Variants in ACOX3 observed in about 807,000 individuals in gnomAD.
ACOX3 encodes the protein peroxisomal acyl-coenzyme A oxidase 3.
A neutral mutation model predicts 81.5 loss-of-function variants in ACOX3; 73 were observed. The ratio of observed to expected loss-of-function variants is 0.90; its 90% CI spans 0.74 to 1.09. The LOEUF is 1.09. Ranked by LOEUF, ACOX3 falls within the 50% of genes least tolerant of loss-of-function variation. The pLI, the probability that ACOX3 is intolerant of heterozygous loss-of-function variation, is 0.00. For missense variants in ACOX3, 947 were observed against 928.0 expected, an observed-to-expected ratio of 1.02 and a Z score of -0.27; for synonymous variants, 387 against 375.1, an observed-to-expected ratio of 1.03 and a Z score of -0.37.
At chr4:8,371,429 C>T (rs186910219) in intron 16 of ACOX3, among the ~76,000 whole-genome samples, 13 of 152,316 alleles carry the variant, frequency 8.5e-5, no homozygotes, top group African/African-American at 2.6e-4. Context: ...GAAGCCTCCT[C>T]GGTTGGCGGT....
At position 8,394,398 on chromosome 4, in the gene ACOX3, A is replaced by G. The variant is rs1719428478; in HGVS notation, c.1179+222T>C. On this transcript the variant is annotated intron_variant, in intron 10 of 17. Transcript: ENST00000356406. The surrounding 1 kb of genome is among the most constrained non-coding windows in gnomAD (Gnocchi z 5.9). ...GCTGAACTCACAGACTGGAACCGGG[A>G]GTCGTGTCAGCACATCCTTGAGAGG... Among the ~76,000 whole-genome samples the G allele has an allele frequency of 6.6e-6, 1 of 152,208 alleles. No individual in the cohort carries two copies. Among genetic ancestry groups the G allele is most frequent in the Admixed American group, 6.5e-5 (1 of 15,284 alleles).
rs549798767 is a variant in ACOX3, at chr4:8,405,358, G to A, written c.776+597C>T. On this transcript the variant is annotated intron_variant, in intron 7 of 17. Coordinates refer to ENST00000356406, the MANE Select transcript of ACOX3 (RefSeq NM_003501.3). The surrounding 1 kb of genome is among the most constrained non-coding windows in gnomAD (Gnocchi z 7.1). ...CCATGTGGCCATCAAGCATTCATTAGTCTTTCTAGGCCCCTCCCCTCTGCA... is the reference window on the plus strand; with the variant it reads ...CCATGTGGCCATCAAGCATTCATTAATCTTTCTAGGCCCCTCCCCTCTGCA... 1.9e-4 allele frequency among the ~76,000 whole-genome samples: 29 copies of A among 152,216 alleles called. No homozygotes were observed. Among genetic ancestry groups the A allele is most frequent in the Non-Finnish European group, 1.3e-4 (9 of 68,042 alleles).
chr4:8,415,456 T>TAA (rs1399823554), intron 3 of ACOX3, among the ~76,000 whole-genome samples: 15 of 135,142 alleles, frequency 1.1e-4, no homozygotes, highest in African/African-American at 3.5e-4. Context: ...TTGTATGAGG[T>TAA]AAAAAAAAAA....
chr4:8,391,581 T>A (rs1719002628), intron 11 of ACOX3, among the ~76,000 whole-genome samples: 1 of 152,212 alleles, frequency 6.6e-6, no homozygotes, highest in African/African-American at 2.4e-5. Context: ...ATTCTAATAA[T>A]AACAGCATTA....
Position 8,386,854 on chromosome 4 carries a change from G to A in ACOX3, c.1537+2319C>T, listed in dbSNP as rs191710637. Among the ~76,000 whole-genome samples, 1 of 152,236 alleles carries A rather than the reference G, an allele frequency of 6.6e-6. No individual in the cohort carries two copies. On this transcript the variant is annotated intron_variant, in intron 13 of 17. Coordinates refer to ENST00000356406, the MANE Select transcript of ACOX3 (RefSeq NM_003501.3). This position sits in a 1 kb window ranked among gnomAD's most constrained non-coding sequence, Gnocchi z 5.2. ...GTCCTGTTCTTTGCCGTGTGAACAAGGAAGTAGCCTGTAGGGCTGGAGACG... is the reference window on the plus strand; with the variant it reads ...GTCCTGTTCTTTGCCGTGTGAACAAAGAAGTAGCCTGTAGGGCTGGAGACG...
chr4:8,434,124 A>T (rs1184978671), intron 1 of ACOX3, among the ~76,000 whole-genome samples: 1 of 152,240 alleles, frequency 6.6e-6, no homozygotes, highest in Non-Finnish European at 1.5e-5. Flanking sequence ...CAGACATTGT[A>T]TGAAAAAGCA....
chr4:8,361,149 C>T, the ACOX3 span, among the ~76,000 whole-genome samples: 30 of 152,078 alleles, frequency 2.0e-4, no homozygotes, highest in South Asian at 6.2e-4. Context: ...TTAGGCCGGG[C>T]GCGGTGGCTC....
intron 16 of ACOX3, 56 bp from the exon 17 acceptor site, chr4:8,371,050 C>A: frequency 2.0e-6 from 3 of 1,527,022 alleles, no homozygotes; most frequent in Non-Finnish European, 2.7e-6. Context: ...CCATGGTGAC[C>A]AAAGCATAAC....
At chr4:8,380,651 G>A (rs1717521919) in intron 14 of ACOX3, among the ~76,000 whole-genome samples, 1 of 152,212 alleles carries the variant, frequency 6.6e-6, no homozygotes, top group African/African-American at 2.4e-5. Context: ...GAGACAGGCA[G>A]ATGTGGACCT....
intron 3 of ACOX3, among the ~76,000 whole-genome samples, 178 bp downstream of exon 3, chr4:8,415,588 T>C (rs959725535): frequency 6.6e-6 from 1 of 151,616 alleles, no homozygotes; most frequent in East Asian, 1.9e-4. Flanking sequence ...AATAAAAAAA[T>C]GAAAAGGGGG....
In ACOX3 at chr4:8,416,262, C is replaced by G. The variant is rs1463668163; in HGVS notation, c.144+116G>C. 141 of 1,570,326 alleles carry G rather than the reference C, an allele frequency of 9.0e-5. No individual in the cohort carries two copies. The highest frequency in any genetic ancestry group is 1.2e-4 in the Non-Finnish European group (140 of 1,145,934). On this transcript the variant is annotated intron_variant, in intron 2 of 17. Transcript: ENST00000356406. The surrounding 1 kb of genome is among the most constrained non-coding windows in gnomAD (Gnocchi z 4.2). The stretch of plus-strand genomic sequence containing the variant: ...GCAGAGAGGAGAGAGGCCGCGCTGC[C>G]TGGGATGAGCCTCGCCCGGCAGAGG...
chr4:8,431,858 T>C lies in ACOX3; in HGVS notation c.-15+8790A>G, dbSNP rs1220397138. On this transcript the variant is annotated intron_variant, in intron 1 of 17. Coordinates refer to ENST00000356406, the MANE Select transcript of ACOX3 (RefSeq NM_003501.3). This position sits in a 1 kb window ranked among gnomAD's most constrained non-coding sequence, Gnocchi z 5.3. ...TGGTGCTATTGACTGTCATTGGCCA[T>C]TGTTGTTATGTGCACACATTGTTAA... is the stretch of plus-strand genomic sequence containing the variant. Among the ~76,000 whole-genome samples the C allele has an allele frequency of 6.6e-6, 1 of 152,232 alleles. No individual in the cohort carries two copies. The highest frequency in any genetic ancestry group is 1.5e-5 in the Non-Finnish European group (1 of 68,042).
chr4:8,370,165 C>G lies in ACOX3; in HGVS notation c.1983+743G>C, dbSNP rs917945930. ...AGAATGGAAGGCACTCCAGGCAGCC[C>G]GAGCAGCAGGCACAAGGCCCTGGGG... is the stretch of plus-strand genomic sequence containing the variant. On this transcript the variant is annotated intron_variant, in intron 17 of 17. Transcript: ENST00000356406. The surrounding 1 kb of genome is among the most constrained non-coding windows in gnomAD (Gnocchi z 6.3). 1.3e-5 allele frequency among the ~76,000 whole-genome samples: 2 copies of G among 152,198 alleles called. No individual in the cohort carries two copies. The highest frequency in any genetic ancestry group is 2.9e-5 in the Non-Finnish European group (2 of 68,036).
intron 14 of ACOX3, 58 bp from the exon 15 acceptor site, chr4:8,375,210 C>CGGG: frequency 6.8e-7 from 1 of 1,461,288 alleles, no homozygotes; most frequent in African/African-American, 1.4e-5. Context: ...CCCAGATTCC[C>CGGG]GGGGGAGGAA....
At position 8,372,615 on chromosome 4, in the gene ACOX3, T is replaced by C. The variant is rs564772073; in HGVS notation, c.1896+946A>G. On this transcript the variant is annotated intron_variant, in intron 16 of 17. Transcript: ENST00000356406. ...ATGTGGCCACATACGTGCGCCACAATCAGACACGCCCCTCTCTGGAACCGC... is the reference window on the plus strand; with the variant it reads ...ATGTGGCCACATACGTGCGCCACAACCAGACACGCCCCTCTCTGGAACCGC... 5.3e-5 allele frequency among the ~76,000 whole-genome samples: 8 copies of C among 152,232 alleles called. No individual in the cohort carries two copies. The East Asian group carries it at 1.5e-3, about 29-fold the overall frequency.
At position 8,407,478 on chromosome 4, in the gene ACOX3, C is replaced by T. The variant is rs1560192507; in HGVS notation, c.688-1435G>A. On this transcript the variant is annotated intron_variant, in intron 6 of 17. Coordinates refer to ENST00000356406, the MANE Select transcript of ACOX3 (RefSeq NM_003501.3). This position sits in a 1 kb window ranked among gnomAD's most constrained non-coding sequence, Gnocchi z 4.6. Reference sequence around the variant, plus strand: ...CCCCTAGAGCCTTTAAAGGGAATGCCGCCCTAAAGATTCCTCAATTTCAGA... The same window carrying T: ...CCCCTAGAGCCTTTAAAGGGAATGCTGCCCTAAAGATTCCTCAATTTCAGA... Among the ~76,000 whole-genome samples the T allele has an allele frequency of 2.6e-5, 4 of 152,288 alleles. No homozygotes were observed. Among genetic ancestry groups the T allele is most frequent in the South Asian group, 2.1e-4 (1 of 4,826 alleles).
At chr4:8,377,060 C>T (rs908696544) in intron 14 of ACOX3, among the ~76,000 whole-genome samples, 16 of 152,056 alleles carry the variant, frequency 1.1e-4, no homozygotes, top group South Asian at 2.1e-4. Context: ...TCTGCACCCC[C>T]GTAGGCTGCT....
chr4:8,362,332 C>T (rs1678275), downstream of ACOX3, among the ~76,000 whole-genome samples: 152,153 of 152,370 alleles, frequency 1, 75,968 homozygotes, highest in Middle Eastern at 1. Context: ...TGTTTCGTTT[C>T]TCAGAGTCAA....
intron 17 of ACOX3, among the ~76,000 whole-genome samples, chr4:8,367,465 A>G (rs1035933135): frequency 5.9e-5 from 9 of 152,144 alleles, no homozygotes; most frequent in African/African-American, 2.2e-4. Flanking sequence ...CCTGGGCAAC[A>G]AGAGCAAAAC....
Sources: gnomAD v4.1 joint callset for allele counts (sites outside exome capture counted in the v4.1 genomes callset) on GRCh38, gnomAD v4.1.1 for gene constraint, Gnocchi (gnomAD v3.1) non-coding constraint, MANE v1.5 for transcripts, NCBI Gene and HGNC (gene_info 2026-07-23, HGNC 2026-07-21) for gene names.